The following GPR37L1 variants were observed in gnomAD, a reference collection of about 807,000 sequenced individuals.
The protein encoded by GPR37L1 is G protein-coupled receptor 37-like 1.
In GPR37L1, 18 loss-of-function variants were observed where a neutral mutation model predicts 18.0. That is an observed-to-expected ratio of 1.00 (90% CI 0.69 to 1.49). The LOEUF (loss-of-function observed/expected upper bound fraction) is 1.49, where lower values mean the gene tolerates loss of function less well. Ranked by LOEUF, GPR37L1 falls within the 40% of genes most tolerant of loss-of-function variation. The pLI is 0.00. For synonymous variants in GPR37L1, 256 were observed against 273.9 expected, an observed-to-expected ratio of 0.93 and a Z score of 0.65; for missense variants, 558 against 615.1, an observed-to-expected ratio of 0.91 and a Z score of 0.98.
rs375036161 is a variant in GPR37L1, at chr1:202,128,481, C to G, written c.1371C>G (p.Thr457=). ...AANGSDNKLK[T]EVSSSIYFHK... ...ATGGGTCGGACAACAAGCTCAAGAC[C>G]GAGGTGTCCTCTTCCATCTACTTCC... Residue 457 remains threonine (T), a synonymous_variant, in exon 2 of 2, where the codon ACC becomes ACG. Transcript: ENST00000367282. 1.9e-6 allele frequency: 3 copies of G among 1,609,680 alleles called. No homozygotes were observed. Among genetic ancestry groups the G allele is most frequent in the Non-Finnish European group, 2.5e-6 (3 of 1,177,984 alleles).
Position 202,133,052 on chromosome 1 carries a change from G to GGA in GPR37L1, c.*4500_*4501dup, listed in dbSNP as rs1445179796. 1 of 152,516 alleles carries GGA rather than the reference G, an allele frequency of 6.6e-6. No individual in the cohort carries two copies. The highest frequency in any genetic ancestry group is 1.5e-5 in the Non-Finnish European group (1 of 68,286). 9.4% of individuals were successfully genotyped at this position (152,516 alleles called of 1,614,324 possible). ...GGGCTGAGGCCTGAACTGGGCCTAA[G>GGA]GAGAGTGCAGCTCAGTTCGCACACA... On this transcript the variant is annotated 3_prime_UTR_variant, in exon 2 of 2. Coordinates refer to ENST00000367282, the MANE Select transcript of GPR37L1 (RefSeq NM_004767.5).
In GPR37L1 at chr1:202,127,824, G is replaced by C. The variant is rs750823234; in HGVS notation, c.714G>C (p.Lys238Asn). The C allele has an allele frequency of 9.3e-6, 15 of 1,613,762 alleles. No homozygotes were observed. Among genetic ancestry groups the C allele is most frequent in the East Asian group, 2.2e-5 (1 of 44,872 alleles). The change falls in exon 2 of 2, where the codon AAG (lysine) becomes AAC (asparagine). Residue 238 changes from lysine (K) to asparagine (N), a missense_variant. By Grantham distance (94) the Lys-to-Asn change is moderately conservative. Transcript: ENST00000367282. Reference protein sequence around the residue: ...RFHVATSTLPKVRPIERCQSI... With the variant: ...RFHVATSTLPNVRPIERCQSI... ...ACGTGGCCACCAGCACCCTGCCCAA[G>C]GTGAGGCCCATCGAGCGGTGCCAAT...
rs1345944074 is a variant in GPR37L1 at position 202,123,270 on chromosome 1, A to AG, written c.311dup (p.Asn105GlnfsTer96). ...CACCCCAGACAGTGGGCAGGAACTGAGGGGCAATCTGACAGGAGCACCAGG... is the reference window on the plus strand; with the variant it reads ...CACCCCAGACAGTGGGCAGGAACTGAGGGGGCAATCTGACAGGAGCACCAGG... On this transcript the variant is annotated frameshift_variant, in exon 1 of 2. Coordinates refer to ENST00000367282, the MANE Select transcript of GPR37L1 (RefSeq NM_004767.5). LOFTEE classifies it high-confidence loss of function. 6.2e-7 allele frequency: 1 copy of AG among 1,613,974 alleles called. No individual in the cohort carries two copies. The highest frequency in any genetic ancestry group is 1.7e-5 in the Admixed American group (1 of 60,010).
Position 202,128,855 on chromosome 1 carries a change from G to A in GPR37L1, c.*299G>A. On this transcript the variant is annotated 3_prime_UTR_variant, in exon 2 of 2. Coordinates refer to ENST00000367282, the MANE Select transcript of GPR37L1 (RefSeq NM_004767.5). ...CCAGAACTTTGCCTGCCCTCCCTTG[G>A]TTCCAGTCTCTCTTCTCTCTCTCTG... is the stretch of plus-strand genomic sequence containing the variant. 4 of 315,560 alleles carry A rather than the reference G, an allele frequency of 1.3e-5. No homozygotes were observed. Among genetic ancestry groups the A allele is most frequent in the Non-Finnish European group, 2.3e-5 (4 of 171,776 alleles). The allele number at this position is 315,560 out of a possible 1,614,324, so 19.5% of individuals were successfully genotyped here. A position where few individuals can be genotyped will look rare whatever the true frequency, so the allele number is the denominator to read the frequency against.
In GPR37L1 at chr1:202,123,305, A is replaced by G; in HGVS notation, c.342A>G (p.Leu114=). The G allele has an allele frequency of 6.8e-6, 11 of 1,614,184 alleles. No individual in the cohort carries two copies. Among genetic ancestry groups the G allele is most frequent in the Non-Finnish European group, 9.3e-6 (11 of 1,180,028 alleles). The change falls in exon 1 of 2, where the codon CTA becomes CTG. Residue 114 remains leucine (L), a synonymous_variant. Coordinates refer to ENST00000367282, the MANE Select transcript of GPR37L1 (RefSeq NM_004767.5). ...GNLTGAPGQR[L]QIQNPLYPVT... The stretch of plus-strand genomic sequence containing the variant: ...TGACAGGAGCACCAGGGCAGAGGCT[A>G]CAGATCCAGAACCCCCTGTATCCGG...
Position 202,128,643 on chromosome 1 carries a change from C to G in GPR37L1, c.*87C>G. 2.5e-6 allele frequency: 2 copies of G among 790,426 alleles called. No individual in the cohort carries two copies. The highest frequency in any genetic ancestry group is 4.0e-6 in the Non-Finnish European group (2 of 495,228). The allele number at this position is 790,426 out of a possible 1,614,324, so 49.0% of individuals were successfully genotyped here. A position where few individuals can be genotyped will look rare whatever the true frequency, so the allele number is the denominator to read the frequency against. The stretch of plus-strand genomic sequence containing the variant: ...TTCCCCATAGGTCTTGCTTTGTTGC[C>G]TGTCTTGCTGTCTAGGGATGGACTT... On this transcript the variant is annotated 3_prime_UTR_variant, in exon 2 of 2. Coordinates refer to ENST00000367282, the MANE Select transcript of GPR37L1 (RefSeq NM_004767.5).
At position 202,128,035 on chromosome 1, in the gene GPR37L1, C is replaced by T. The variant is rs765614906; in HGVS notation, c.925C>T (p.Arg309Cys). ...YSLVMTYQNA[R>C]MWWYFGCYFC... ...ACTGGTGATGACCTACCAGAACGCC[C>T]GCATGTGGTGGTACTTTGGCTGCTA... Residue 309 changes from arginine to cysteine, a missense_variant, in exon 2 of 2, where the codon CGC (arginine) becomes TGC (cysteine). Transcript: ENST00000367282. The T allele has an allele frequency of 6.8e-6, 11 of 1,614,152 alleles. No individual in the cohort carries two copies. The highest frequency in any genetic ancestry group is 3.3e-5 in the Admixed American group (2 of 60,018).
In GPR37L1 at chr1:202,132,142, A is replaced by G. The variant is rs1165785127; in HGVS notation, c.*3586A>G. On this transcript the variant is annotated 3_prime_UTR_variant, in exon 2 of 2. Transcript: ENST00000367282. The stretch of plus-strand genomic sequence containing the variant: ...TCTCTTATCTCAAACCTCAATCCTC[A>G]GTGAGGATCACAGGATCTGAGAAAG... The G allele has an allele frequency of 3.9e-5, 6 of 152,158 alleles. No homozygotes were observed. The highest frequency in any genetic ancestry group is 7.3e-5 in the Non-Finnish European group (5 of 68,034). 9.4% of individuals were successfully genotyped at this position (152,158 alleles called of 1,614,324 possible).
In GPR37L1 at chr1:202,129,319, C is replaced by T. The variant is rs138483615; in HGVS notation, c.*763C>T. ...CTGCCACGCCCAGCCCCAGTACACTCTTCTCTGGACCAGATCTGTCCCAGT... is the reference window on the plus strand; with the variant it reads ...CTGCCACGCCCAGCCCCAGTACACTTTTCTCTGGACCAGATCTGTCCCAGT... On this transcript the variant is annotated 3_prime_UTR_variant, in exon 2 of 2. Transcript: ENST00000367282. The T allele has an allele frequency of 2.0e-4, 31 of 152,598 alleles. No individual in the cohort carries two copies. The highest frequency in any genetic ancestry group is 7.5e-4 in the African/African-American group (31 of 41,570). The allele number at this position is 152,598 out of a possible 1,614,324, so 9.5% of individuals were successfully genotyped here.
At position 202,127,644 on chromosome 1, in the gene GPR37L1, C is replaced by G. The variant is rs1426679185; in HGVS notation, c.631-97C>G. On this transcript the variant is annotated intron_variant, in intron 1 of 1. Coordinates refer to ENST00000367282, the MANE Select transcript of GPR37L1 (RefSeq NM_004767.5). ...TATTATAATTTCTATGCTTATCACT[C>G]AATTCATGGTCTAACTGAGCCAGAA... 4.8e-6 allele frequency: 4 copies of G among 832,522 alleles called. No individual in the cohort carries two copies. The African/African-American group carries it at 6.9e-5, about 14-fold the overall frequency. The allele number at this position is 832,522 out of a possible 1,614,324, so 51.6% of individuals were successfully genotyped here.
In GPR37L1 at chr1:202,123,016, G is replaced by A. The variant is rs1311221310; in HGVS notation, c.53G>A (p.Gly18Glu). 6.2e-7 allele frequency: 1 copy of A among 1,613,476 alleles called. No homozygotes were observed. Among genetic ancestry groups the A allele is most frequent in the Admixed American group, 1.7e-5 (1 of 60,034 alleles). Reference protein sequence around the residue: ...AVSLAVILAVGLSRVSGGAPL... With the variant: ...AVSLAVILAVELSRVSGGAPL... ...TCTCTTGCTGTGATTTTGGCTGTGG[G>A]GCTAAGCAGGGTCTCTGGGGGTGCC... The change falls in exon 1 of 2, where the codon GGG (glycine) becomes GAG (glutamate). Residue 18 changes from glycine to glutamate, a missense_variant. By Grantham distance (98) the Gly-to-Glu change is moderately conservative. Coordinates refer to ENST00000367282, the MANE Select transcript of GPR37L1 (RefSeq NM_004767.5).
Position 202,123,321 on chromosome 1 carries a change from CT to C in GPR37L1, c.359del (p.Leu120ArgfsTer4), listed in dbSNP as rs781505766. On this transcript the variant is annotated frameshift_variant, in exon 1 of 2. Transcript: ENST00000367282. LOFTEE classifies it high-confidence loss of function. ...PGQRLQIQNP[L>X]YPVTESSYSA... is the part of the protein sequence containing the mutation. ...GCAGAGGCTACAGATCCAGAACCCCCTGTATCCGGTGACCGAGAGCTCCTAC... is the reference window on the plus strand; with the variant it reads ...GCAGAGGCTACAGATCCAGAACCCCCGTATCCGGTGACCGAGAGCTCCTAC... The C allele has an allele frequency of 6.2e-7, 1 of 1,614,216 alleles. No homozygotes were observed.
intron 1 of GPR37L1, among the ~76,000 whole-genome samples, chr1:202,124,187 G>C (rs77715219): frequency 0.024 from 3,699 of 152,174 alleles, 163 homozygotes; most frequent in African/African-American, 0.085. Context: ...CATTGTTATC[G>C]TTGTCATTTC....
At position 202,128,451 on chromosome 1, in the gene GPR37L1, T is replaced by C. The variant is rs1346472775; in HGVS notation, c.1341T>C (p.Ala447=). 1.2e-6 allele frequency: 2 copies of C among 1,610,344 alleles called. No homozygotes were observed. Among genetic ancestry groups the C allele is most frequent in the Admixed American group, 1.7e-5 (1 of 59,174 alleles). Residue 447 remains alanine, a synonymous_variant, in exon 2 of 2, where the codon GCT becomes GCC. Transcript: ENST00000367282. ...GCGGCGGGGCTTCGGAGGCCTCTGC[T>C]GCCAATGGGTCGGACAACAAGCTCA... ...EECGGASEAS[A]ANGSDNKLKT... is the part of the protein sequence containing the mutation.
At position 202,131,413 on chromosome 1, in the gene GPR37L1, A is replaced by G. The variant is rs1177436717; in HGVS notation, c.*2857A>G. 3 of 152,208 alleles carry G rather than the reference A, an allele frequency of 2.0e-5. No homozygotes were observed. 9.4% of individuals were successfully genotyped at this position (152,208 alleles called of 1,614,324 possible). On this transcript the variant is annotated 3_prime_UTR_variant, in exon 2 of 2. Coordinates refer to ENST00000367282, the MANE Select transcript of GPR37L1 (RefSeq NM_004767.5). ...TTTAATGAGACAAGATACATAAAGC[A>G]CTTTGCATGGTGCCCCGAACCTTTT...
rs1212130882 is a variant in GPR37L1 at position 202,133,556 on chromosome 1, A to G, written c.*5000A>G. 6.6e-6 allele frequency: 1 copy of G among 152,194 alleles called. No individual in the cohort carries two copies. The highest frequency in any genetic ancestry group is 1.5e-5 in the Non-Finnish European group (1 of 68,050). 9.4% of individuals were successfully genotyped at this position (152,194 alleles called of 1,614,324 possible). On this transcript the variant is annotated 3_prime_UTR_variant, in exon 2 of 2. Transcript: ENST00000367282. ...AGGAACATCACTTTACAAATCATTA[A>G]ATTAAACAAATAAACAAACAGAACC...
intron 1 of GPR37L1, among the ~76,000 whole-genome samples, chr1:202,127,497 G>A (rs1020062180): frequency 6.6e-6 from 1 of 152,008 alleles, no homozygotes; most frequent in Non-Finnish European, 1.5e-5. Context: ...TGTATTTTTA[G>A]TAGAGACAGG....
chr1:202,122,974 T>G lies in GPR37L1; in HGVS notation c.11T>G (p.Leu4Arg), dbSNP rs772725811. 6.2e-7 allele frequency: 1 copy of G among 1,612,822 alleles called. No homozygotes were observed. Among genetic ancestry groups the G allele is most frequent in the Non-Finnish European group, 8.5e-7 (1 of 1,180,016 alleles). Residue 4 changes from leucine (L) to arginine (R), a missense_variant, in exon 1 of 2, where the codon CTG becomes CGG. Physicochemically the swap from Leu to Arg is moderately radical, Grantham distance 102. Transcript: ENST00000367282. MRWLWPLAVSLAVI... is the reference protein window; with the variant it reads MRWRWPLAVSLAVI... ...CCTGCTCATCCAGCCATGCGGTGGC[T>G]GTGGCCCCTGGCTGTCTCTCTTGCT... is the stretch of plus-strand genomic sequence containing the variant.
At position 202,128,627 on chromosome 1, in the gene GPR37L1, G is replaced by GGTCTTGCTTTGTTGCCT; in HGVS notation, c.*80_*96dup. 1.1e-6 allele frequency: 1 copy of GGTCTTGCTTTGTTGCCT among 950,468 alleles called. No individual in the cohort carries two copies. The highest frequency in any genetic ancestry group is 2.5e-5 in the East Asian group (1 of 39,620). The allele number at this position is 950,468 out of a possible 1,614,324, so 58.9% of individuals were successfully genotyped here. Reference sequence around the variant, plus strand: ...CGGTGTCTGCTGTTCTTTCCCCATAGGTCTTGCTTTGTTGCCTGTCTTGCT... The same window carrying GGTCTTGCTTTGTTGCCT: ...CGGTGTCTGCTGTTCTTTCCCCATAGGTCTTGCTTTGTTGCCTGTCTTGCTTTGTTGCCTGTCTTGCT... On this transcript the variant is annotated 3_prime_UTR_variant, in exon 2 of 2. Transcript: ENST00000367282.
Sources: allele counts gnomAD v4.1 joint callset (sites outside exome capture counted in the v4.1 genomes callset), GRCh38; gene constraint gnomAD v4.1.1; transcripts MANE v1.5; gene names NCBI Gene and HGNC (gene_info 2026-07-23, HGNC 2026-07-21).